The following EIF4EBP1 variants were observed in gnomAD, a reference collection of about 807,000 sequenced individuals.
EIF4EBP1 encodes eukaryotic translation initiation factor 4E-binding protein 1.
In EIF4EBP1, 5 loss-of-function variants were observed where a neutral mutation model predicts 9.2. That is an observed-to-expected ratio of 0.54 (90% confidence interval 0.28 to 1.14). The LOEUF is 1.14. Among genes scored for constraint, EIF4EBP1 ranks in the 50% most tolerant of loss-of-function variants. EIF4EBP1 has a pLI of 0.09. For synonymous variants in EIF4EBP1, 62 were observed against 67.0 expected, an observed-to-expected ratio of 0.93 and a Z score of 0.36; for missense variants, 139 against 169.6, an observed-to-expected ratio of 0.82 and a Z score of 1.00.
intron 1 of EIF4EBP1, among the ~76,000 whole-genome samples, chr8:38,040,741 A>T (rs181345967): frequency 4.6e-5 from 7 of 152,152 alleles, no homozygotes; most frequent in African/African-American, 1.7e-4. Context: ...TTTTATTTAC[A>T]TGGTAGTTTC....
chr8:38,058,021 C>G (rs905348667), intron 2 of EIF4EBP1, among the ~76,000 whole-genome samples: 4 of 152,158 alleles, frequency 2.6e-5, no homozygotes, highest in Non-Finnish European at 5.9e-5. Flanking sequence ...CAGGCCCAGA[C>G]AGGAAGCAGC....
intron 1 of EIF4EBP1, among the ~76,000 whole-genome samples, chr8:38,043,598 G>A (rs1319956998): frequency 6.6e-6 from 1 of 151,786 alleles, no homozygotes; most frequent in African/African-American, 2.4e-5. Flanking sequence ...CACCTGCCTC[G>A]GCCTCCCAAA....
At chr8:38,058,833 C>T (rs552182782) in intron 2 of EIF4EBP1, among the ~76,000 whole-genome samples, 1 of 152,214 alleles carries the variant, frequency 6.6e-6, no homozygotes, top group African/African-American at 2.4e-5. Context: ...CCTGAAATCC[C>T]AGCACTCTGG....
intron 1 of EIF4EBP1, among the ~76,000 whole-genome samples, chr8:38,054,648 T>C (rs758873971): frequency 9.9e-5 from 15 of 152,038 alleles, no homozygotes; most frequent in Non-Finnish European, 2.1e-4. Context: ...GGAGGAGAGA[T>C]TGTACAACCC....
chr8:38,036,850 A>G (rs1170018710), intron 1 of EIF4EBP1, among the ~76,000 whole-genome samples: 1 of 151,880 alleles, frequency 6.6e-6, no homozygotes. Flanking sequence ...AGGTTTCGCC[A>G]TGTTGCCCAG....
chr8:38,059,904 G>A lies in EIF4EBP1; in HGVS notation c.326G>A (p.Gly109Asp). The change falls in exon 3 of 3, where the codon GGT (glycine) becomes GAT (aspartate). Residue 109 changes from glycine (G) to aspartate (D), a missense_variant and splice_region_variant. Gly to Asp is a moderately conservative substitution (Grantham distance 94, BLOSUM62 -1). Coordinates refer to ENST00000338825, the MANE Select transcript of EIF4EBP1 (RefSeq NM_004095.4). ...GGCCCTCTGTCCCCTCTCTCCCCAG[G>A]TGAAGAGTCACAGTTTGAGATGGAC... ...RNSPEDKRAGGEESQFEMDI is the reference protein window; with the variant it reads ...RNSPEDKRAGDEESQFEMDI 7.0e-7 allele frequency: 1 copy of A among 1,430,990 alleles called. No individual in the cohort carries two copies. The highest frequency in any genetic ancestry group is 9.2e-7 in the Non-Finnish European group (1 of 1,088,138). The allele number at this position is 1,430,990 out of a possible 1,614,324, so 88.6% of individuals were successfully genotyped here. A position where few individuals can be genotyped will look rare whatever the true frequency, so the allele number is the denominator to read the frequency against.
At position 38,031,535 on chromosome 8, in the gene EIF4EBP1, C is replaced by T. The variant is rs142614697; in HGVS notation, c.145+817C>T. 3.5e-3 allele frequency among the ~76,000 whole-genome samples: 530 copies of T among 152,284 alleles called. 2 individuals carry two copies. Among genetic ancestry groups the T allele is most frequent in the African/African-American group, 0.011 (466 of 41,566 alleles). On this transcript the variant is annotated intron_variant, in intron 1 of 2. Coordinates refer to ENST00000338825, the MANE Select transcript of EIF4EBP1 (RefSeq NM_004095.4). ...CTGTTTGCATGATGAAATAAATCCT[C>T]GTGGCTCTCTCCTCCCCTCTCATTG...
chr8:38,059,674 T>C (rs1246016630), intron 2 of EIF4EBP1, among the ~76,000 whole-genome samples: 7 of 150,864 alleles, frequency 4.6e-5, no homozygotes, highest in African/African-American at 1.7e-4. Context: ...GAGAATCGCT[T>C]GAACCCAGGA....
At chr8:38,030,849 GAC>G in intron 1 of EIF4EBP1, 131 bp downstream of exon 1, 1 of 1,300,470 alleles carries the variant, frequency 7.7e-7, no homozygotes, top group Non-Finnish European at 9.9e-7. Context: ...GCATCGGAGA[GAC>G]AGCGAGGGTC....
chr8:38,044,914 G>A (rs934126619), intron 1 of EIF4EBP1, among the ~76,000 whole-genome samples: 9 of 152,148 alleles, frequency 5.9e-5, no homozygotes, highest in South Asian at 2.1e-4. Context: ...AGCACAGACC[G>A]GAGGGGATGA....
chr8:38,053,926 T>C (rs564831919), intron 1 of EIF4EBP1, among the ~76,000 whole-genome samples: 1 of 152,022 alleles, frequency 6.6e-6, no homozygotes, highest in Non-Finnish European at 1.5e-5. Context: ...TGTTGTAGAG[T>C]TTCAGTTTCA....
At chr8:38,047,826 A>G (rs754143270) in intron 1 of EIF4EBP1, among the ~76,000 whole-genome samples, 10 of 151,574 alleles carry the variant, frequency 6.6e-5, no homozygotes, top group Non-Finnish European at 1.3e-4. Context: ...TTATTTCTGT[A>G]TTTTCTCTCT....
intron 1 of EIF4EBP1, among the ~76,000 whole-genome samples, chr8:38,037,000 GT>G (rs201639251): frequency 1.3e-5 from 2 of 151,424 alleles, no homozygotes; most frequent in African/African-American, 2.4e-5. Context: ...TCTAAGGTGA[GT>G]TTTAAAAAAA....
intron 1 of EIF4EBP1, among the ~76,000 whole-genome samples, chr8:38,054,103 G>A (rs1279052921): frequency 6.6e-6 from 1 of 152,128 alleles, no homozygotes; most frequent in African/African-American, 2.4e-5. Flanking sequence ...GCCCCTGGGC[G>A]CTTCTTTGAG....
chr8:38,035,464 C>T (rs987615950), intron 1 of EIF4EBP1, among the ~76,000 whole-genome samples: 3 of 151,790 alleles, frequency 2.0e-5, no homozygotes, highest in Non-Finnish European at 4.4e-5. Context: ...GTGATCCACC[C>T]GCCTCAGCTT....
intron 1 of EIF4EBP1, among the ~76,000 whole-genome samples, chr8:38,041,111 CTTGT>C (rs996900823): frequency 2.5e-4 from 38 of 151,934 alleles, no homozygotes; most frequent in African/African-American, 8.2e-4. Flanking sequence ...TTTTTGTTTG[CTTGT>C]TTGTTTGACA....
In EIF4EBP1 at chr8:38,036,543, A is replaced by C. The variant is rs377495678; in HGVS notation, c.145+5825A>C. Among the ~76,000 whole-genome samples, 10 of 152,352 alleles carry C rather than the reference A, an allele frequency of 6.6e-5. No individual in the cohort carries two copies. The East Asian group carries it at 9.6e-4, about 15-fold the overall frequency. On this transcript the variant is annotated intron_variant, in intron 1 of 2. Transcript: ENST00000338825. ...AAGTCCTTCATTGCCAAATCTGAGG[A>C]AAAAGGGTCAGCAGAGCAATACCAT... is the stretch of plus-strand genomic sequence containing the variant.
chr8:38,046,172 G>A (rs1809446587), intron 1 of EIF4EBP1, among the ~76,000 whole-genome samples: 1 of 152,146 alleles, frequency 6.6e-6, no homozygotes, highest in South Asian at 2.1e-4. Context: ...CAGTGTGCTG[G>A]GATTACAGGC....
chr8:38,047,988 T>C (rs1392057243), intron 1 of EIF4EBP1, among the ~76,000 whole-genome samples: 1 of 151,820 alleles, frequency 6.6e-6, no homozygotes, highest in Non-Finnish European at 1.5e-5. Context: ...CTGGGCAACA[T>C]AGCAAGATTC....
Sources: gnomAD v4.1 joint callset for allele counts (sites outside exome capture counted in the v4.1 genomes callset) on GRCh38, gnomAD v4.1.1 for gene constraint, MANE v1.5 for transcripts, NCBI Gene and HGNC (gene_info 2026-07-23, HGNC 2026-07-21) for gene names.